Variants in ARIH1 observed in about 807,000 individuals in gnomAD.
ARIH1 encodes ariadne RBR E3 ubiquitin protein ligase 1.
A neutral mutation model predicts 85.0 loss-of-function variants in ARIH1; 8 were observed. That is an observed-to-expected ratio of 0.09 (90% CI 0.06 to 0.17). ARIH1 has a LOEUF of 0.17. Ranked by LOEUF, ARIH1 falls within the 10% of genes least tolerant of loss-of-function variation. The pLI is 1.00. For missense variants in ARIH1, 311 were observed against 718.1 expected, an observed-to-expected ratio of 0.43 and a Z score of 6.48; for synonymous variants, 238 against 253.6, an observed-to-expected ratio of 0.94 and a Z score of 0.59.
At chr15:72,570,477 T>C (rs1046704187) in intron 10 of ARIH1, among the ~76,000 whole-genome samples, 170 bp downstream of exon 10, 14 of 152,220 alleles carry the variant, frequency 9.2e-5, no homozygotes, top group African/African-American at 2.2e-4. Flanking sequence ...TAGTTAGATA[T>C]ATTTCATAAA....
At chr15:72,534,724 G>A (rs1044348980) in intron 2 of ARIH1, among the ~76,000 whole-genome samples, 3 of 151,992 alleles carry the variant, frequency 2.0e-5, no homozygotes, top group East Asian at 1.9e-4. Context: ...CATACTCCCC[G>A]GATTTGGGGT....
At chr15:72,487,092 A>G (rs2140394178) in intron 1 of ARIH1, among the ~76,000 whole-genome samples, 1 of 151,908 alleles carries the variant, frequency 6.6e-6, no homozygotes, top group Admixed American at 6.6e-5. Context: ...TTTTTTTTGT[A>G]TGTAAATATT....
At chr15:72,566,468 A>G (rs1595871746) in intron 7 of ARIH1, 95 bp from the exon 8 acceptor site, 2 of 999,284 alleles carry the variant, frequency 2.0e-6, no homozygotes, top group East Asian at 2.4e-5. Context: ...ACTAGTGACA[A>G]TACTGTGGAA....
chr15:72,525,557 A>T (rs1261362959), intron 2 of ARIH1, among the ~76,000 whole-genome samples: 1 of 152,234 alleles, frequency 6.6e-6, no homozygotes, highest in African/African-American at 2.4e-5. Context: ...AAATTAAATA[A>T]GTGGCATAAA....
intron 1 of ARIH1, among the ~76,000 whole-genome samples, chr15:72,488,804 A>G (rs921838770): frequency 6.6e-6 from 1 of 152,246 alleles, no homozygotes; most frequent in African/African-American, 2.4e-5. Flanking sequence ...GTGGTAGTGT[A>G]AGAAGATGGC....
At chr15:72,571,284 T>C (rs934230809) in intron 10 of ARIH1, among the ~76,000 whole-genome samples, 1 of 152,152 alleles carries the variant, frequency 6.6e-6, no homozygotes, top group Non-Finnish European at 1.5e-5. Context: ...TTTCCCATCC[T>C]CTGTAAATTT....
In ARIH1 at chr15:72,596,658, T is replaced by G. The variant is rs1425538013; in HGVS notation, c.*13366T>G. On this transcript the variant is annotated 3_prime_UTR_variant, in exon 14 of 14. Transcript: ENST00000379887. ...GCCCTGTTTTCTTTTTGTTTTCAGT[T>G]TGGATACTTTCCATTTAACCATCTT... is the stretch of plus-strand genomic sequence containing the variant. 6.6e-6 allele frequency: 1 copy of G among 152,208 alleles called. No homozygotes were observed. Among genetic ancestry groups the G allele is most frequent in the Non-Finnish European group, 1.5e-5 (1 of 68,036 alleles). The allele number at this position is 152,208 out of a possible 1,614,324, so 9.4% of individuals were successfully genotyped here.
chr15:72,541,273 C>G (rs2064106187), intron 2 of ARIH1, among the ~76,000 whole-genome samples: 1 of 152,094 alleles, frequency 6.6e-6, no homozygotes, highest in Non-Finnish European at 1.5e-5. Context: ...CAAGCCCTGC[C>G]TCAGCTTCTC....
intron 2 of ARIH1, among the ~76,000 whole-genome samples, chr15:72,525,290 A>G (rs2064022415): frequency 6.6e-6 from 1 of 152,242 alleles, no homozygotes. Context: ...TTATGAAGAT[A>G]AAGAATAATC....
At chr15:72,551,401 G>A (rs965239487) in intron 3 of ARIH1, among the ~76,000 whole-genome samples, 1 of 152,168 alleles carries the variant, frequency 6.6e-6, no homozygotes, top group African/African-American at 2.4e-5. Context: ...ATATGCATGA[G>A]GAGAATTTAG....
intron 9 of ARIH1, among the ~76,000 whole-genome samples, chr15:72,568,679 A>G (rs1221804172): frequency 6.6e-6 from 1 of 152,198 alleles, no homozygotes; most frequent in East Asian, 1.9e-4. Context: ...GAGGTTTAAT[A>G]CTATTAGGTT....
At position 72,498,961 on chromosome 15, in the gene ARIH1, A is replaced by ATTTTTTTTTTTTTTTTTTTTT. The variant is rs535261674; in HGVS notation, c.376-19089_376-19069dup. Among the ~76,000 whole-genome samples the ATTTTTTTTTTTTTTTTTTTTT allele has an allele frequency of 3.4e-5, 3 of 88,450 alleles. 1 individual carries two copies. The highest frequency in any genetic ancestry group is 9.3e-5 in the African/African-American group (2 of 21,416). 58.0% of individuals were successfully genotyped at this position (88,450 alleles called of 152,430 possible). On this transcript the variant is annotated intron_variant, in intron 1 of 13. Coordinates refer to ENST00000379887, the MANE Select transcript of ARIH1 (RefSeq NM_005744.5). ...TTATGTCGTTTGCACCTTTTCATAA[A>ATTTTTTTTTTTTTTTTTTTTT]TTTTTTTTTTTTTTTTTTTTTTTTT... is the stretch of plus-strand genomic sequence containing the variant.
intron 1 of ARIH1, among the ~76,000 whole-genome samples, chr15:72,513,986 A>T (rs1375664503): frequency 6.7e-6 from 1 of 149,230 alleles, no homozygotes; most frequent in East Asian, 2.0e-4. Flanking sequence ...TGGGACTAAT[A>T]CGCCACCACG....
chr15:72,550,489 T>C (rs1159102604), intron 3 of ARIH1, among the ~76,000 whole-genome samples: 1 of 152,232 alleles, frequency 6.6e-6, no homozygotes, highest in Admixed American at 6.5e-5. Flanking sequence ...TTGTGTCTTT[T>C]ACAGAATACC....
intron 1 of ARIH1, chr15:72,496,939 AC>A: frequency 1.4e-6 from 1 of 708,544 alleles, no homozygotes; most frequent in Non-Finnish European, 1.7e-6. Flanking sequence ...GGCAACCAGT[AC>A]CTCATTATTT....
At position 72,474,624 on chromosome 15, in the gene ARIH1, C is replaced by T; in HGVS notation, c.-16C>T. ...CCGCCTCGGCCAGCGTCCGCCGGGC[C>T]CCCGCGCGTCGCGCCATGGACTCGG... On this transcript the variant is annotated 5_prime_UTR_variant, in exon 1 of 14. Transcript: ENST00000379887. 1 of 1,509,852 alleles carries T rather than the reference C, an allele frequency of 6.6e-7. No homozygotes were observed. The highest frequency in any genetic ancestry group is 8.8e-7 in the Non-Finnish European group (1 of 1,130,454). 93.5% of individuals were successfully genotyped at this position (1,509,852 alleles called of 1,614,324 possible).
Position 72,546,941 on chromosome 15 carries a change from G to T in ARIH1, c.588+1977G>T, listed in dbSNP as rs549586882. On this transcript the variant is annotated intron_variant, in intron 3 of 13. Coordinates refer to ENST00000379887, the MANE Select transcript of ARIH1 (RefSeq NM_005744.5). ...TCTTTTCTTTTTTTTTGGAGGGGGGGGGGTGGGACGGAGTCTTGCTCTGTC... is the reference window on the plus strand; with the variant it reads ...TCTTTTCTTTTTTTTTGGAGGGGGGTGGGTGGGACGGAGTCTTGCTCTGTC... 6.9e-5 allele frequency among the ~76,000 whole-genome samples: 10 copies of T among 145,336 alleles called. 1 individual carries two copies. Among genetic ancestry groups the T allele is most frequent in the South Asian group, 2.1e-4 (1 of 4,684 alleles).
At chr15:72,524,431 T>G (rs1473208831) in intron 2 of ARIH1, among the ~76,000 whole-genome samples, 2 of 148,998 alleles carry the variant, frequency 1.3e-5, no homozygotes, top group South Asian at 4.3e-4. Context: ...GCCAGGCTGG[T>G]CTGGAACTCT....
chr15:72,490,794 T>C (rs1184864072), intron 1 of ARIH1, among the ~76,000 whole-genome samples: 4 of 152,100 alleles, frequency 2.6e-5, no homozygotes, highest in Non-Finnish European at 5.9e-5. Flanking sequence ...TAGCCAAACA[T>C]GTTTTGAGCC....
Sources: allele counts gnomAD v4.1 joint callset (sites outside exome capture counted in the v4.1 genomes callset), GRCh38; gene constraint gnomAD v4.1.1; transcripts MANE v1.5; gene names NCBI Gene and HGNC (gene_info 2026-07-23, HGNC 2026-07-21).